Variants in C12orf42 observed in about 807,000 individuals in gnomAD.
The protein encoded by C12orf42 is chromosome 12 open reading frame 42.
Under a neutral mutation model 21.6 loss-of-function variants are expected in C12orf42, and 25 were observed. The observed-to-expected ratio is 1.16, with a 90% CI of 0.84 to 1.62. The LOEUF is 1.62. C12orf42 is among the 40% of genes most tolerant of loss of function. The probability of loss-of-function intolerance (pLI) is 0.00; values close to 1 mark genes in which losing one functional copy is unlikely to be tolerated. For synonymous variants in C12orf42, 174 were observed against 175.0 expected, an observed-to-expected ratio of 0.99 and a Z score of 0.05; for missense variants, 483 against 459.3, an observed-to-expected ratio of 1.05 and a Z score of -0.47.
At chr12:103,187,345 G>A in the C12orf42 span, among the ~76,000 whole-genome samples, 4 of 152,092 alleles carry the variant, frequency 2.6e-5, no homozygotes, top group African/African-American at 9.7e-5. Flanking sequence ...AGACATTAGG[G>A]AACTTTCCCA....
At chr12:103,221,805 G>A in the C12orf42 span, among the ~76,000 whole-genome samples, 1 of 152,260 alleles carries the variant, frequency 6.6e-6, no homozygotes, top group Non-Finnish European at 1.5e-5. Flanking sequence ...CAATGCCAAA[G>A]TCTGTGATTC....
the C12orf42 span, among the ~76,000 whole-genome samples, chr12:103,116,765 G>A: frequency 1.3e-5 from 2 of 152,100 alleles, no homozygotes; most frequent in Non-Finnish European, 2.9e-5. Flanking sequence ...CTGTAGGAAG[G>A]TATTTTTCTC....
the C12orf42 span, among the ~76,000 whole-genome samples, chr12:103,526,084 C>T: frequency 6.6e-6 from 1 of 152,194 alleles, no homozygotes. Context: ...AGCATCTCTG[C>T]TAGTTGCAAG....
the C12orf42 span, among the ~76,000 whole-genome samples, chr12:103,195,202 G>A: frequency 1.3e-5 from 2 of 152,086 alleles, no homozygotes; most frequent in Non-Finnish European, 2.9e-5. Context: ...ACCACTGATG[G>A]GCATCTATGT....
chr12:103,093,077 AT>A, the C12orf42 span, among the ~76,000 whole-genome samples: 7 of 152,230 alleles, frequency 4.6e-5, no homozygotes, highest in East Asian at 9.6e-4. Flanking sequence ...TCTTCTTAGC[AT>A]TTCTATCCTA....
intron 2 of C12orf42, among the ~76,000 whole-genome samples, chr12:103,450,693 G>C (rs1565849459): frequency 4.6e-5 from 7 of 152,064 alleles, no homozygotes. Context: ...CCAATCTGCT[G>C]TTCTTCATGG....
chr12:103,126,371 G>T, the C12orf42 span, among the ~76,000 whole-genome samples: 3 of 152,126 alleles, frequency 2.0e-5, no homozygotes, highest in Admixed American at 1.3e-4. Context: ...TCCATTACTG[G>T]TTCTAAAAAT....
chr12:103,361,128 G>A (rs535716404), intron 4 of C12orf42, among the ~76,000 whole-genome samples: 6 of 152,140 alleles, frequency 3.9e-5, no homozygotes, highest in East Asian at 3.9e-4. Flanking sequence ...CAGGAAAGCC[G>A]AAAGAATCCA....
the C12orf42 span, among the ~76,000 whole-genome samples, chr12:103,185,273 G>A: frequency 2.6e-5 from 4 of 152,152 alleles, no homozygotes; most frequent in Admixed American, 2.6e-4. Context: ...GACTACCTGT[G>A]CTTGGGCTAA....
intron 5 of C12orf42, among the ~76,000 whole-genome samples, chr12:103,303,200 A>T (rs1478734070): frequency 6.6e-6 from 1 of 152,184 alleles, no homozygotes; most frequent in Non-Finnish European, 1.5e-5. Context: ...TCCATACAAA[A>T]GATGTGTTTT....
chr12:103,543,682 T>A, the C12orf42 span, among the ~76,000 whole-genome samples: 1 of 152,100 alleles, frequency 6.6e-6, no homozygotes, highest in Admixed American at 6.5e-5. Context: ...TGTTGTGTGA[T>A]GTAGTTAATT....
the C12orf42 span, among the ~76,000 whole-genome samples, chr12:103,050,081 C>T: frequency 2.0e-5 from 3 of 152,158 alleles, no homozygotes; most frequent in African/African-American, 7.2e-5. Context: ...ATTCCTTGAG[C>T]TTAGAACAGT....
At chr12:103,392,206 A>G (rs903996488) in intron 3 of C12orf42, among the ~76,000 whole-genome samples, 1 of 152,168 alleles carries the variant, frequency 6.6e-6, no homozygotes, top group Admixed American at 6.6e-5. Flanking sequence ...TGCCAGTACC[A>G]CACTGTTTTT....
At chr12:103,254,636 C>A (rs2034465382) in intron 10 of C12orf42, among the ~76,000 whole-genome samples, 1 of 152,154 alleles carries the variant, frequency 6.6e-6, no homozygotes, top group Admixed American at 6.5e-5. Context: ...GAGCTGGAAA[C>A]CATTATCCTC....
At chr12:103,524,300 G>C in the C12orf42 span, among the ~76,000 whole-genome samples, 3 of 152,262 alleles carry the variant, frequency 2.0e-5, no homozygotes, top group African/African-American at 7.2e-5. Flanking sequence ...CCAGGGAAGA[G>C]AGCTTGGTCC....
At chr12:103,489,626 G>T (rs1955061946) in intron 1 of C12orf42, among the ~76,000 whole-genome samples, 1 of 152,180 alleles carries the variant, frequency 6.6e-6, no homozygotes, top group African/African-American at 2.4e-5. Flanking sequence ...CTTCCCGGCT[G>T]CTTTGTTTAC....
chr12:103,531,978 C>T, the C12orf42 span, among the ~76,000 whole-genome samples: 2 of 152,184 alleles, frequency 1.3e-5, no homozygotes, highest in African/African-American at 2.4e-5. Context: ...GCAGACTCTG[C>T]TGCAATGGCC....
chr12:103,050,628 G>A, the C12orf42 span, among the ~76,000 whole-genome samples: 1 of 151,850 alleles, frequency 6.6e-6, no homozygotes, highest in Non-Finnish European at 1.5e-5. Context: ...TTCGTGCCAG[G>A]ACAAGCAGCC....
the C12orf42 span, among the ~76,000 whole-genome samples, chr12:103,075,621 C>T: frequency 6.6e-6 from 1 of 152,184 alleles, no homozygotes; most frequent in Admixed American, 6.6e-5. Flanking sequence ...TCATGAGTCC[C>T]CTACTATTCC....
Sources: gnomAD v4.1 joint callset for allele counts (sites outside exome capture counted in the v4.1 genomes callset) on GRCh38, gnomAD v4.1.1 for gene constraint, MANE v1.5 for transcripts, NCBI Gene and HGNC (gene_info 2026-07-23, HGNC 2026-07-21) for gene names.